PRTFDC1: variants seen among roughly 807,000 people sequenced by gnomAD.
PRTFDC1 encodes phosphoribosyltransferase domain-containing protein 1.
Under a neutral mutation model 34.6 loss-of-function variants are expected in PRTFDC1, and 38 were observed. The observed-to-expected ratio is 1.10, with a 90% CI of 0.85 to 1.44. The LOEUF is 1.44. Ranked by LOEUF, PRTFDC1 falls within the 40% of genes most tolerant of loss-of-function variation. The pLI, the probability that PRTFDC1 is intolerant of heterozygous loss-of-function variation, is 0.00. For missense variants in PRTFDC1, 270 were observed against 283.0 expected, an observed-to-expected ratio of 0.95 and a Z score of 0.33; for synonymous variants, 93 against 98.1, an observed-to-expected ratio of 0.95 and a Z score of 0.31.
At chr10:24,914,314 AAG>A (rs2132573559) in intron 3 of PRTFDC1, among the ~76,000 whole-genome samples, 2 of 152,352 alleles carry the variant, frequency 1.3e-5, no homozygotes, top group African/African-American at 4.8e-5. Context: ...TGAAAATAAA[AAG>A]AGAGTCATAG....
At chr10:24,886,552 T>G (rs1313784603) in intron 3 of PRTFDC1, among the ~76,000 whole-genome samples, 1 of 152,218 alleles carries the variant, frequency 6.6e-6, no homozygotes. Context: ...TGTGCATGGA[T>G]CACTTGTGCA....
At chr10:24,929,845 A>C (rs1024974407) in intron 3 of PRTFDC1, among the ~76,000 whole-genome samples, 1 of 152,084 alleles carries the variant, frequency 6.6e-6, no homozygotes, top group African/African-American at 2.4e-5. Context: ...CTGTTTTTCC[A>C]CTCAAAGTCC....
At chr10:24,902,127 C>T in intron 3 of PRTFDC1, among the ~76,000 whole-genome samples, 1 of 152,100 alleles carries the variant, frequency 6.6e-6, no homozygotes, top group Admixed American at 6.5e-5. Context: ...ACTGATGGCT[C>T]ATAGCAATCA....
chr10:24,857,885 CA>C (rs1269372781), intron 5 of PRTFDC1, among the ~76,000 whole-genome samples: 3 of 151,810 alleles, frequency 2.0e-5, no homozygotes, highest in Non-Finnish European at 2.9e-5. Flanking sequence ...AACAGAAAAA[CA>C]AAAGTTAAAA....
intron 3 of PRTFDC1, among the ~76,000 whole-genome samples, chr10:24,901,906 T>G (rs559414725): frequency 3.3e-5 from 5 of 152,196 alleles, no homozygotes; most frequent in African/African-American, 1.2e-4. Context: ...CAACCACAGA[T>G]GGTCTAAATG....
chr10:24,868,748 C>T (rs1847827649), intron 4 of PRTFDC1, among the ~76,000 whole-genome samples: 1 of 152,074 alleles, frequency 6.6e-6, no homozygotes, highest in Non-Finnish European at 1.5e-5. Context: ...TCTTCTACAC[C>T]CATTAAAACA....
intron 3 of PRTFDC1, among the ~76,000 whole-genome samples, chr10:24,872,804 ATATTTTT>A (rs1847898366): frequency 8.4e-6 from 1 of 119,452 alleles, no homozygotes; most frequent in African/African-American, 3.9e-5. Flanking sequence ...ATATATATAT[ATATTTTT>A]TTTTTTTTTT....
chr10:24,926,988 G>A (rs1848886244), intron 3 of PRTFDC1, among the ~76,000 whole-genome samples: 1 of 152,136 alleles, frequency 6.6e-6, no homozygotes. Context: ...TCAAGAAAAT[G>A]CATGGATATT....
chr10:24,916,378 C>T (rs1306397815), intron 3 of PRTFDC1, among the ~76,000 whole-genome samples: 3 of 152,180 alleles, frequency 2.0e-5, no homozygotes, highest in African/African-American at 4.8e-5. Context: ...TAATGACATT[C>T]TGCTCAAAAC....
intron 3 of PRTFDC1, among the ~76,000 whole-genome samples, chr10:24,909,285 A>G (rs1325452910): frequency 6.6e-6 from 1 of 152,230 alleles, no homozygotes; most frequent in East Asian, 1.9e-4. Context: ...TCATCTCAAA[A>G]AAAAGGGGAC....
intron 5 of PRTFDC1, 37 bp from the exon 6 acceptor site, chr10:24,857,032 T>C: frequency 6.6e-7 from 1 of 1,518,472 alleles, no homozygotes; most frequent in Non-Finnish European, 9.1e-7. Flanking sequence ...ACAAAATGCA[T>C]TTGAGCAGCA....
At chr10:24,888,861 T>C (rs1848214456) in intron 3 of PRTFDC1, among the ~76,000 whole-genome samples, 1 of 152,192 alleles carries the variant, frequency 6.6e-6, no homozygotes, top group African/African-American at 2.4e-5. Flanking sequence ...GGTTTCCAGA[T>C]GCAATGTGGA....
At position 24,887,011 on chromosome 10, in the gene PRTFDC1, C is replaced by T. The variant is rs537173543; in HGVS notation, c.340-14948G>A. On this transcript the variant is annotated intron_variant, in intron 3 of 8. Coordinates refer to ENST00000320152, the MANE Select transcript of PRTFDC1 (RefSeq NM_020200.7). ...CGGAGTCTCGCTCTGTCGCCCAGGT[C>T]GGACTGCGGACTGCAGTGGCGCAAT... 3.3e-3 allele frequency among the ~76,000 whole-genome samples: 442 copies of T among 135,734 alleles called. 3 individuals carry two copies. The highest frequency in any genetic ancestry group is 0.014 in the Middle Eastern group (3 of 218). The allele number at this position is 135,734 out of a possible 152,430, so 89.0% of individuals were successfully genotyped here.
chr10:24,952,060 G>A lies in PRTFDC1; in HGVS notation c.48+468C>T, dbSNP rs1849353842. Among the ~76,000 whole-genome samples the A allele has an allele frequency of 1.3e-5, 2 of 152,202 alleles. No homozygotes were observed. Among genetic ancestry groups the A allele is most frequent in the South Asian group, 4.1e-4 (2 of 4,828 alleles). ...TTCAAATCTCAAGCTCTGTCCACTT[G>A]AGCTACTTTATTTCCTAGCTGCCTT... On this transcript the variant is annotated intron_variant, in intron 1 of 8. Coordinates refer to ENST00000320152, the MANE Select transcript of PRTFDC1 (RefSeq NM_020200.7). This position sits in a 1 kb window ranked among gnomAD's most constrained non-coding sequence, Gnocchi z 5.1.
At chr10:24,914,192 A>G (rs1306065379) in intron 3 of PRTFDC1, among the ~76,000 whole-genome samples, 1 of 152,222 alleles carries the variant, frequency 6.6e-6, no homozygotes, top group Non-Finnish European at 1.5e-5. Flanking sequence ...AGCCACAAGT[A>G]AACATTGTTT....
chr10:24,917,740 T>C (rs1439315342), intron 3 of PRTFDC1, among the ~76,000 whole-genome samples: 1 of 152,202 alleles, frequency 6.6e-6, no homozygotes, highest in Non-Finnish European at 1.5e-5. Flanking sequence ...GAGACAGATG[T>C]CCTTTTCAGT....
chr10:24,949,985 C>T (rs933533372), intron 1 of PRTFDC1, among the ~76,000 whole-genome samples: 2 of 152,018 alleles, frequency 1.3e-5, no homozygotes, highest in African/African-American at 2.4e-5. Context: ...CCACCCACCT[C>T]GGCCTCCCAA....
Position 24,895,831 on chromosome 10 carries a change from C to A in PRTFDC1, c.340-23768G>T, listed in dbSNP as rs138439281. Among the ~76,000 whole-genome samples, 731 of 150,838 alleles carry A rather than the reference C, an allele frequency of 4.8e-3. 6 individuals carry two copies. Among genetic ancestry groups the A allele is most frequent in the African/African-American group, 0.017 (702 of 41,122 alleles). On this transcript the variant is annotated intron_variant, in intron 3 of 8. Transcript: ENST00000320152. ...CAATATCCCTTGATGCAATTTTTAACCCATTACAACAATAATATGAGTACA... is the reference window on the plus strand; with the variant it reads ...CAATATCCCTTGATGCAATTTTTAAACCATTACAACAATAATATGAGTACA...
At chr10:24,905,184 G>A (rs2132558987) in intron 3 of PRTFDC1, among the ~76,000 whole-genome samples, 1 of 152,064 alleles carries the variant, frequency 6.6e-6, no homozygotes, top group East Asian at 1.9e-4. Flanking sequence ...ACAGTGGTGT[G>A]CACCTGTAGT....
Sources: allele counts gnomAD v4.1 joint callset (sites outside exome capture counted in the v4.1 genomes callset), GRCh38; gene constraint gnomAD v4.1.1; non-coding constraint Gnocchi (gnomAD v3.1); transcripts MANE v1.5; gene names NCBI Gene and HGNC (gene_info 2026-07-23, HGNC 2026-07-21).